SNTG2: variants seen among roughly 807,000 people sequenced by gnomAD.
SNTG2 encodes gamma-2-syntrophin.
SNTG2 carries 74 observed loss-of-function variants against 70.9 expected under a neutral mutation model. The ratio of observed to expected loss-of-function variants is 1.04; its 90% CI spans 0.86 to 1.27. The LOEUF is 1.27. Ranked by LOEUF, SNTG2 falls within the 50% of genes most tolerant of loss-of-function variation. The probability of loss-of-function intolerance (pLI) is 0.00; values close to 1 mark genes in which losing one functional copy is unlikely to be tolerated. For synonymous variants in SNTG2, 278 were observed against 273.8 expected (o/e 1.02, Z -0.15); for missense variants, 717 against 690.7 (o/e 1.04, Z -0.43).
intron 6 of SNTG2, among the ~76,000 whole-genome samples, chr2:1,158,049 TG>T (rs1670020485): frequency 6.6e-6 from 1 of 152,104 alleles, no homozygotes; most frequent in African/African-American, 2.4e-5. Flanking sequence ...CACACTCAGG[TG>T]GGGGCTCATG....
intron 9 of SNTG2, among the ~76,000 whole-genome samples, chr2:1,222,099 C>CTGTCTCTGCCTATCTCTG (rs1451914786): frequency 6.8e-5 from 1 of 14,604 alleles, no homozygotes; most frequent in Admixed American, 6.5e-4. Flanking sequence ...CTCTCTGTCT[C>CTGTCTCTGCCTATCTCTG]TCTCTGTCTC....
chr2:1,175,051 AG>A (rs1671378791), intron 8 of SNTG2, among the ~76,000 whole-genome samples: 1 of 152,156 alleles, frequency 6.6e-6, no homozygotes, highest in Non-Finnish European at 1.5e-5. Flanking sequence ...TCTTATCTTA[AG>A]TTCATAAAGA....
intron 2 of SNTG2, among the ~76,000 whole-genome samples, chr2:1,087,325 C>T (rs545904927): frequency 6.6e-6 from 1 of 152,260 alleles, no homozygotes; most frequent in South Asian, 2.1e-4. Flanking sequence ...TGTAGCATGG[C>T]TGTTCTGTCT....
chr2:1,288,536 G>GAC (rs1274703144), intron 14 of SNTG2, among the ~76,000 whole-genome samples: 8 of 152,078 alleles, frequency 5.3e-5, no homozygotes, highest in Non-Finnish European at 1.2e-4. Context: ...GTGCACACAT[G>GAC]ACACACACAT....
chr2:993,164 T>C (rs13430438), intron 1 of SNTG2, among the ~76,000 whole-genome samples: 65,903 of 146,002 alleles, frequency 0.45, 15,624 homozygotes, highest in Middle Eastern at 0.6. Context: ...CATGCTGGTG[T>C]GCTGCACCCA....
chr2:1,292,805 TC>T (rs2148223515), intron 14 of SNTG2, among the ~76,000 whole-genome samples: 1 of 152,332 alleles, frequency 6.6e-6, no homozygotes, highest in African/African-American at 2.4e-5. Flanking sequence ...TCTGCAGTTT[TC>T]TTTTCCTGTA....
At chr2:981,075 A>G (rs529305929) in intron 1 of SNTG2, among the ~76,000 whole-genome samples, 78 of 152,332 alleles carry the variant, frequency 5.1e-4, no homozygotes, top group African/African-American at 1.8e-3. Flanking sequence ...AATTTGAAAT[A>G]TGAACCACCC....
chr2:1,099,691 G>GTCCTCTGAAGGTGGGT (rs1665657099), intron 4 of SNTG2, among the ~76,000 whole-genome samples: 8 of 152,310 alleles, frequency 5.3e-5, no homozygotes, highest in South Asian at 2.1e-4. Context: ...TTGTGGTGAG[G>GTCCTCTGAAGGTGGGT]GCAGTCATGG....
intron 4 of SNTG2, among the ~76,000 whole-genome samples, chr2:1,131,463 A>G (rs1668008660): frequency 6.6e-6 from 1 of 152,090 alleles, no homozygotes; most frequent in Non-Finnish European, 1.5e-5. Flanking sequence ...TATGTATTTT[A>G]GTGATATCCT....
intron 14 of SNTG2, among the ~76,000 whole-genome samples, chr2:1,286,625 A>C (rs1368054966): frequency 6.6e-6 from 1 of 152,204 alleles, no homozygotes; most frequent in Non-Finnish European, 1.5e-5. Context: ...AGGATAGGCA[A>C]ACCCATATTT....
chr2:1,034,483 A>G (rs1246309615), intron 1 of SNTG2, among the ~76,000 whole-genome samples: 3 of 152,172 alleles, frequency 2.0e-5, no homozygotes, highest in African/African-American at 7.2e-5. Flanking sequence ...CAGTAATGCA[A>G]TGGCTGGGTC....
chr2:1,171,610 T>C (rs909726476), intron 7 of SNTG2, among the ~76,000 whole-genome samples: 1 of 152,194 alleles, frequency 6.6e-6, no homozygotes. Context: ...CAGCAGAGTC[T>C]TCACCAGACA....
At chr2:1,299,546 G>A (rs1343799828) in intron 14 of SNTG2, among the ~76,000 whole-genome samples, 1 of 152,130 alleles carries the variant, frequency 6.6e-6, no homozygotes, top group Non-Finnish European at 1.5e-5. Flanking sequence ...CACAGGATTC[G>A]AGCCCCATGT....
rs1678849714 is a variant in SNTG2 at position 1,268,169 on chromosome 2, A to G, written c.1284+598A>G. The stretch of plus-strand genomic sequence containing the variant: ...ATCCTAAATAGCGGGATGATCCTTC[A>G]GGGAGGATGTGTGCTGCAGGAATGA... On this transcript the variant is annotated intron_variant, in intron 14 of 16. Coordinates refer to ENST00000308624, the MANE Select transcript of SNTG2 (RefSeq NM_018968.4). Among the ~76,000 whole-genome samples the G allele has an allele frequency of 2.0e-5, 3 of 152,184 alleles. No homozygotes were observed. In the South Asian group the frequency reaches 6.2e-4, roughly 32 times the overall value.
chr2:1,138,788 T>C (rs1287513350), intron 6 of SNTG2, among the ~76,000 whole-genome samples: 1 of 152,212 alleles, frequency 6.6e-6, no homozygotes, highest in Non-Finnish European at 1.5e-5. Context: ...CACTCATTTC[T>C]TCTTCAGTGT....
chr2:1,147,986 G>T (rs1359717359), intron 6 of SNTG2, among the ~76,000 whole-genome samples: 1 of 152,192 alleles, frequency 6.6e-6, no homozygotes, highest in African/African-American at 2.4e-5. Flanking sequence ...ATCTGTTTTT[G>T]CATTATAAGG....
intron 8 of SNTG2, among the ~76,000 whole-genome samples, chr2:1,203,283 A>C (rs1036430209): frequency 6.6e-6 from 1 of 152,322 alleles, no homozygotes; most frequent in East Asian, 1.9e-4. Context: ...GAAATAGAGG[A>C]GGTTGAAATG....
At chr2:1,160,774 C>T (rs953673040) in intron 6 of SNTG2, 3 of 152,350 alleles carry the variant, frequency 2.0e-5, no homozygotes, top group Admixed American at 6.6e-5. Context: ...CTCTCCACCA[C>T]GCAAGGACAC....
intron 1 of SNTG2, among the ~76,000 whole-genome samples, chr2:1,083,147 T>A (rs1664445776): frequency 1.4e-5 from 2 of 141,272 alleles, no homozygotes; most frequent in South Asian, 4.7e-4. Flanking sequence ...TTAAAAACTA[T>A]CATTTTTATT....
Sources: allele counts gnomAD v4.1 joint callset (sites outside exome capture counted in the v4.1 genomes callset), GRCh38; gene constraint gnomAD v4.1.1; transcripts MANE v1.5; gene names NCBI Gene and HGNC (gene_info 2026-07-23, HGNC 2026-07-21).